Variants in GALNT17 observed in about 807,000 individuals in gnomAD.
GALNT17 encodes the protein UDP-GalNAc:polypeptide N-acetylgalactosaminyltransferase-like 3.
In GALNT17, 29 loss-of-function variants were observed where a neutral mutation model predicts 63.7. That is an observed-to-expected ratio of 0.46 (90% CI 0.34 to 0.62). The LOEUF (loss-of-function observed/expected upper bound fraction) is 0.62, where lower values mean the gene tolerates loss of function less well. Ranked by LOEUF, GALNT17 falls within the 20% of genes least tolerant of loss-of-function variation. The pLI, the probability that GALNT17 is intolerant of heterozygous loss-of-function variation, is 0.01. For missense variants in GALNT17, 603 were observed against 799.6 expected, an observed-to-expected ratio of 0.75 and a Z score of 2.97; for synonymous variants, 305 against 318.3, an observed-to-expected ratio of 0.96 and a Z score of 0.45.
chr7:71,371,707 CTATATT>C (rs988947970), intron 2 of GALNT17, among the ~76,000 whole-genome samples: 3 of 152,040 alleles, frequency 2.0e-5, no homozygotes, highest in African/African-American at 7.2e-5. Context: ...TTTATTTTCC[CTATATT>C]TATAATTCTA....
At chr7:71,564,830 C>A (rs1314950689) in intron 5 of GALNT17, among the ~76,000 whole-genome samples, 1 of 152,226 alleles carries the variant, frequency 6.6e-6, no homozygotes, top group Admixed American at 6.5e-5. Context: ...TGAGAAATCC[C>A]AGGACTCAGA....
At chr7:71,604,171 C>T (rs191740642) in intron 6 of GALNT17, among the ~76,000 whole-genome samples, 149 of 148,126 alleles carry the variant, frequency 1.0e-3, no homozygotes, top group South Asian at 6.8e-3. Flanking sequence ...CTATGCTAAG[C>T]GCATATACCA....
intron 9 of GALNT17, among the ~76,000 whole-genome samples, chr7:71,681,581 G>T (rs1791262924): frequency 6.6e-6 from 1 of 152,170 alleles, no homozygotes; most frequent in African/African-American, 2.4e-5. Context: ...CTGAGCCTAG[G>T]GCAGTCCCAC....
chr7:71,555,550 T>A (rs1301318685), intron 5 of GALNT17, among the ~76,000 whole-genome samples: 1 of 152,030 alleles, frequency 6.6e-6, no homozygotes, highest in Non-Finnish European at 1.5e-5. Flanking sequence ...ACACTGGTGA[T>A]CACATTTCAA....
Position 71,388,350 on chromosome 7 carries a change from C to G in GALNT17, c.538C>G (p.Pro180Ala). The G allele has an allele frequency of 6.2e-7, 1 of 1,613,986 alleles. No individual in the cohort carries two copies. The highest frequency in any genetic ancestry group is 8.5e-7 in the Non-Finnish European group (1 of 1,179,990). The change falls in exon 3 of 11, where the codon CCC becomes GCC. Residue 180 changes from proline to alanine, a missense_variant. Physicochemically the swap from Pro to Ala is conservative, Grantham distance 27. This residue lies in a region of GALNT17 where 336 missense variants were observed against 507.8 expected (regional missense o/e 0.66). Transcript: ENST00000333538. The stretch of plus-strand genomic sequence containing the variant: ...CGTGCACAGTGCCGTCAATCACACG[C>G]CCACACACCTGCTGAAGGAAATCAT... The part of the protein sequence containing the change: ...RSVHSAVNHT[P>A]THLLKEIILV...
chr7:71,597,186 C>T (rs770836704), intron 6 of GALNT17, among the ~76,000 whole-genome samples: 2 of 151,236 alleles, frequency 1.3e-5, no homozygotes, highest in African/African-American at 2.4e-5. Flanking sequence ...TACAGGCACC[C>T]GCCACCATGC....
At chr7:71,693,907 C>T (rs993391946) in intron 9 of GALNT17, among the ~76,000 whole-genome samples, 8 of 151,678 alleles carry the variant, frequency 5.3e-5, no homozygotes, top group Non-Finnish European at 7.4e-5. Flanking sequence ...TGGGTGAGGT[C>T]GGGGAAGCTA....
chr7:71,385,691 TG>T (rs1187878704), intron 2 of GALNT17, among the ~76,000 whole-genome samples: 2 of 151,182 alleles, frequency 1.3e-5, no homozygotes, highest in Non-Finnish European at 2.9e-5. Flanking sequence ...GGGAATACTT[TG>T]CCCCCAGCAG....
chr7:71,241,587 G>T (rs1007304159), intron 1 of GALNT17, among the ~76,000 whole-genome samples: 4 of 152,124 alleles, frequency 2.6e-5, no homozygotes, highest in African/African-American at 9.7e-5. Context: ...TGTTTGTGTT[G>T]CCATAAAGGA....
At position 71,670,837 on chromosome 7, in the gene GALNT17, A is replaced by T. The variant is rs145919781; in HGVS notation, c.1404+728A>T. ...GCCAAGGTTGGACTTGGGGATCTGG[A>T]TACCAGAGATAACGTGTACACTTTG... On this transcript the variant is annotated intron_variant, in intron 8 of 10. Transcript: ENST00000333538. Among the ~76,000 whole-genome samples the T allele has an allele frequency of 4.5e-3, 681 of 152,072 alleles. 22 individuals carry two copies. Among genetic ancestry groups the T allele is most frequent in the Admixed American group, 0.03 (456 of 15,254 alleles).
intron 1 of GALNT17, among the ~76,000 whole-genome samples, chr7:71,144,131 C>T (rs1787969273): frequency 6.6e-6 from 1 of 152,146 alleles, no homozygotes; most frequent in African/African-American, 2.4e-5. Context: ...CAGGCTCCCA[C>T]TTCTCTTACA....
rs1156480573 is a variant in GALNT17, at chr7:71,703,962, AT to A, written c.1501-6794del. On this transcript the variant is annotated intron_variant, in intron 9 of 10. Transcript: ENST00000333538. ...ATAGGAGATTGAGGAGGAAGAACAC[AT>A]TTTTAAAAATCTAGACTCTGGCAGG... 2.0e-5 allele frequency among the ~76,000 whole-genome samples: 3 copies of A among 152,322 alleles called. No individual in the cohort carries two copies. In the East Asian group the frequency reaches 5.8e-4, roughly 29 times the overall value.
At chr7:71,435,825 C>T (rs1268332181) in intron 5 of GALNT17, among the ~76,000 whole-genome samples, 5 of 152,160 alleles carry the variant, frequency 3.3e-5, no homozygotes, top group Admixed American at 1.3e-4. Flanking sequence ...CAAGATCATC[C>T]TGGCTAACAC....
chr7:71,153,275 T>A (rs1038612843), intron 1 of GALNT17, among the ~76,000 whole-genome samples: 7 of 152,174 alleles, frequency 4.6e-5, no homozygotes, highest in African/African-American at 1.7e-4. Flanking sequence ...AAGGACGGTG[T>A]AAGGTGATAT....
intron 1 of GALNT17, among the ~76,000 whole-genome samples, chr7:71,253,722 C>A (rs775249495): frequency 1.4e-4 from 22 of 152,082 alleles, no homozygotes; most frequent in Non-Finnish European, 2.2e-4. Flanking sequence ...CTTTGGCTTA[C>A]ATAGGTACAG....
At position 71,547,292 on chromosome 7, in the gene GALNT17, G is replaced by A. The variant is rs1308506610; in HGVS notation, c.963-23993G>A. On this transcript the variant is annotated intron_variant, in intron 5 of 10. Transcript: ENST00000333538. Reference sequence around the variant, plus strand: ...CAGTTCTCCTGCCTCAGCCTCCCGAGTACCTGGGATTACAGGCCCCTGTCA... The same window carrying A: ...CAGTTCTCCTGCCTCAGCCTCCCGAATACCTGGGATTACAGGCCCCTGTCA... 3.3e-5 allele frequency among the ~76,000 whole-genome samples: 5 copies of A among 152,126 alleles called. No homozygotes were observed. The East Asian group carries it at 5.8e-4, about 18-fold the overall frequency.
At chr7:71,710,953 G>A (rs1186796257) in intron 10 of GALNT17, 25 bp downstream of exon 10, 2 of 1,610,110 alleles carry the variant, frequency 1.2e-6, no homozygotes, top group Non-Finnish European at 1.7e-6. Context: ...GACAGAGCCA[G>A]CACCCAGAGT....
At chr7:71,281,480 G>A (rs765051425) in intron 1 of GALNT17, among the ~76,000 whole-genome samples, 10 of 152,312 alleles carry the variant, frequency 6.6e-5, no homozygotes, top group Non-Finnish European at 1.0e-4. Context: ...ATTTCAAAAC[G>A]GCTGCTGCAT....
chr7:71,218,696 C>T (rs1183507901), intron 1 of GALNT17, among the ~76,000 whole-genome samples: 1 of 152,000 alleles, frequency 6.6e-6, no homozygotes, highest in Non-Finnish European at 1.5e-5. Context: ...CTGAGCTCCA[C>T]CTCCTGTCAG....
Sources: gnomAD v4.1 joint callset for allele counts (sites outside exome capture counted in the v4.1 genomes callset) on GRCh38, gnomAD v4.1.1 for gene constraint, gnomAD v4.1.1 regional missense constraint, MANE v1.5 for transcripts, NCBI Gene and HGNC (gene_info 2026-07-23, HGNC 2026-07-21) for gene names.